The following UBQLN4 variants were observed in gnomAD, a reference collection of about 807,000 sequenced individuals.
UBQLN4 encodes ubiquilin-4.
A neutral mutation model predicts 60.4 loss-of-function variants in UBQLN4; 11 were observed. That is an observed-to-expected ratio of 0.18 (90% CI 0.11 to 0.30). The LOEUF (loss-of-function observed/expected upper bound fraction) is 0.30, where lower values mean the gene tolerates loss of function less well. Among genes scored for constraint, UBQLN4 ranks in the 10% least tolerant of loss-of-function variants. UBQLN4 has a pLI of 1.00. For missense variants in UBQLN4, 417 were observed against 795.5 expected, an observed-to-expected ratio of 0.52 and a Z score of 5.72; for synonymous variants, 258 against 313.1, an observed-to-expected ratio of 0.82 and a Z score of 1.86.
chr1:156,039,559 T>C (rs558740955), intron 10 of UBQLN4, among the ~76,000 whole-genome samples: 1 of 152,210 alleles, frequency 6.6e-6, no homozygotes, highest in East Asian at 1.9e-4. Flanking sequence ...GCTTGGCTTT[T>C]CATTCTTGTC....
downstream of UBQLN4, among the ~76,000 whole-genome samples, chr1:156,033,857 C>CAA (rs990013197): frequency 1.4e-5 from 2 of 139,096 alleles, no homozygotes; most frequent in South Asian, 2.3e-4. Context: ...AAAAAAAAAC[C>CAA]AAAAAAAAAA....
At chr1:156,047,739 T>C (rs746440984) in intron 5 of UBQLN4, among the ~76,000 whole-genome samples, 7 of 150,288 alleles carry the variant, frequency 4.7e-5, no homozygotes, top group East Asian at 2.0e-4. Flanking sequence ...ACTAAAAATA[T>C]AAAAAGTTAG....
chr1:156,037,185 T>C, intron 10 of UBQLN4, 55 bp from the exon 11 acceptor site: 2 of 1,586,814 alleles, frequency 1.3e-6, no homozygotes, highest in Non-Finnish European at 1.7e-6. Flanking sequence ...GGGGCCCTAT[T>C]TGAATTAAGG....
chr1:156,036,538 G>C lies in UBQLN4; in HGVS notation c.*440C>G, dbSNP rs1022032579. 3 of 987,684 alleles carry C rather than the reference G, an allele frequency of 3.0e-6. No individual in the cohort carries two copies. The highest frequency in any genetic ancestry group is 3.5e-5 in the African/African-American group (2 of 57,270). The allele number at this position is 987,684 out of a possible 1,614,324, so 61.2% of individuals were successfully genotyped here. A position where few individuals can be genotyped will look rare whatever the true frequency, so the allele number is the denominator to read the frequency against. ...CTAGCATTGGTTGGGCTAGGGGTTG[G>C]GGGGTAGGGAGAAAAAGAAGGAAGA... On this transcript the variant is annotated 3_prime_UTR_variant, in exon 11 of 11. Coordinates refer to ENST00000368309, the MANE Select transcript of UBQLN4 (RefSeq NM_020131.5).
Position 156,048,528 on chromosome 1 carries a change from C to T in UBQLN4, c.873G>A (p.Glu291=), listed in dbSNP as rs1683775789. 1 of 1,612,562 alleles carries T rather than the reference C, an allele frequency of 6.2e-7. No homozygotes were observed. ...GTTCCCGGGCAGCACTGAACATGGG[C>T]TCCTGGATGTCCGTGTACATGCGGC... is the stretch of plus-strand genomic sequence containing the variant. ...ALRRMYTDIQ[E]PMFSAAREQF... The change falls in exon 5 of 11, where the codon GAG becomes GAA. Residue 291 remains glutamate, a synonymous_variant. Transcript: ENST00000368309. The surrounding 1 kb of genome is among the most constrained non-coding windows in gnomAD (Gnocchi z 4.9).
At chr1:156,045,471 C>T (rs1295253821) in intron 5 of UBQLN4, among the ~76,000 whole-genome samples, 1 of 152,230 alleles carries the variant, frequency 6.6e-6, no homozygotes, top group African/African-American at 2.4e-5. Flanking sequence ...ACAGTGATAA[C>T]AACCATCATT....
chr1:156,043,013 C>T (rs1466900330), intron 6 of UBQLN4, 100 bp from the exon 7 acceptor site: 3 of 1,461,816 alleles, frequency 2.1e-6, no homozygotes, highest in African/African-American at 2.8e-5. Flanking sequence ...CGAATGACTA[C>T]AAAACTCAGA....
Position 156,035,541 on chromosome 1 carries a change from A to G in UBQLN4, c.*1437T>C. ...TCTGTGCTCTGACAGAGAAATGTCC[A>G]ATTCCAGATCAAAGGCATCATTGCC... On this transcript the variant is annotated 3_prime_UTR_variant, in exon 11 of 11. Coordinates refer to ENST00000368309, the MANE Select transcript of UBQLN4 (RefSeq NM_020131.5). The G allele has an allele frequency of 2.0e-6, 2 of 985,548 alleles. No homozygotes were observed. The highest frequency in any genetic ancestry group is 2.4e-6 in the Non-Finnish European group (2 of 829,940). 61.1% of individuals were successfully genotyped at this position (985,548 alleles called of 1,614,324 possible).
chr1:156,052,371 G>C (rs1388906978), intron 1 of UBQLN4, among the ~76,000 whole-genome samples: 3 of 152,218 alleles, frequency 2.0e-5, no homozygotes, highest in Non-Finnish European at 4.4e-5. Flanking sequence ...CTGTAGCCCA[G>C]GCTGGAGTGC....
chr1:156,037,528 G>A (rs910368033), intron 10 of UBQLN4, among the ~76,000 whole-genome samples: 16 of 152,254 alleles, frequency 1.1e-4, no homozygotes, highest in East Asian at 3.9e-4. Flanking sequence ...TCCGGGAGGC[G>A]GAGCTTGCAG....
At position 156,051,742 on chromosome 1, in the gene UBQLN4, C is replaced by T. The variant is rs1683877275; in HGVS notation, c.224G>A (p.Gly75Glu). ...DTLNQHGIKD[G>E]LTVHLVIKTP... is the part of the protein sequence containing the mutation. ...CTTGATGACCAGATGGACAGTGAGC[C>T]CGTCCTTGATTCCGTGCTGGTTCAG... Residue 75 changes from glycine (G) to glutamate (E), a missense_variant, in exon 2 of 11, where the codon GGG (glycine) becomes GAG (glutamate). By Grantham distance (98) the Gly-to-Glu change is moderately conservative. Transcript: ENST00000368309. 1 of 1,613,868 alleles carries T rather than the reference C, an allele frequency of 6.2e-7. No homozygotes were observed. Among genetic ancestry groups the T allele is most frequent in the Admixed American group, 1.7e-5 (1 of 59,994 alleles).
chr1:156,032,369 G>A (rs1342984341), downstream of UBQLN4, among the ~76,000 whole-genome samples: 1 of 151,006 alleles, frequency 6.6e-6, no homozygotes, highest in Admixed American at 6.6e-5. Context: ...CATTTGGCCG[G>A]GCGCGATGGC....
chr1:156,042,401 T>C (rs1174020927), intron 7 of UBQLN4, 165 bp from the exon 8 acceptor site: 71 of 1,423,224 alleles, frequency 5.0e-5, no homozygotes, highest in Non-Finnish European at 6.4e-5. Flanking sequence ...TGAGAGGAAA[T>C]GGAACTATGC....
intron 10 of UBQLN4, among the ~76,000 whole-genome samples, chr1:156,038,333 G>A (rs1024189613): frequency 1.3e-5 from 2 of 151,274 alleles, no homozygotes; most frequent in African/African-American, 2.4e-5. Flanking sequence ...CTGAAATTGC[G>A]CCACTGCACT....
chr1:156,037,582 C>T (rs892518462), intron 10 of UBQLN4, among the ~76,000 whole-genome samples: 1 of 152,020 alleles, frequency 6.6e-6, no homozygotes, highest in Non-Finnish European at 1.5e-5. Context: ...GGCAACAGAG[C>T]GAGACTCTGT....
Position 156,036,848 on chromosome 1 carries a change from G to A in UBQLN4, c.*130C>T. On this transcript the variant is annotated 3_prime_UTR_variant, in exon 11 of 11. Transcript: ENST00000368309. Reference sequence around the variant, plus strand: ...AGGGGTTGGAGCCCATGCCTCTAAAGTCACCCTGCTGTTTGGAAAGGATGA... The same window carrying A: ...AGGGGTTGGAGCCCATGCCTCTAAAATCACCCTGCTGTTTGGAAAGGATGA... The A allele has an allele frequency of 6.6e-7, 1 of 1,518,226 alleles. No homozygotes were observed. The highest frequency in any genetic ancestry group is 2.3e-5 in the East Asian group (1 of 44,026). 94.0% of individuals were successfully genotyped at this position (1,518,226 alleles called of 1,614,324 possible).
intron 1 of UBQLN4, among the ~76,000 whole-genome samples, chr1:156,053,027 C>T (rs1162920973): frequency 6.6e-6 from 1 of 152,132 alleles, no homozygotes; most frequent in Non-Finnish European, 1.5e-5. Flanking sequence ...CAGGGGGTGG[C>T]GAACACAGGC....
intron 10 of UBQLN4, 44 bp from the exon 11 acceptor site, chr1:156,037,174 G>C (rs750366483): frequency 1.3e-6 from 2 of 1,594,422 alleles, no homozygotes; most frequent in South Asian, 1.1e-5. Flanking sequence ...GACCAATCTT[G>C]GGGGCCCTAT....
intron 3 of UBQLN4, 77 bp downstream of exon 3, chr1:156,051,033 C>T: frequency 1.4e-6 from 2 of 1,417,574 alleles, no homozygotes; most frequent in Non-Finnish European, 2.0e-6. Flanking sequence ...AGCAGGAACT[C>T]CTGTTTCTCC....
Sources: gnomAD v4.1 joint callset for allele counts (sites outside exome capture counted in the v4.1 genomes callset) on GRCh38, gnomAD v4.1.1 for gene constraint, Gnocchi (gnomAD v3.1) non-coding constraint, MANE v1.5 for transcripts, NCBI Gene and HGNC (gene_info 2026-07-23, HGNC 2026-07-21) for gene names.